PTPRN2: variants seen among roughly 807,000 people sequenced by gnomAD.
PTPRN2 encodes the protein protein tyrosine phosphatase receptor type N2, also known as receptor-type tyrosine-protein phosphatase N2.
A neutral mutation model predicts 118.8 loss-of-function variants in PTPRN2; 74 were observed. That is an observed-to-expected ratio of 0.62 (90% CI 0.52 to 0.76). The LOEUF is 0.76. PTPRN2 is among the 30% of genes least tolerant of loss of function. The probability of loss-of-function intolerance (pLI) is 0.00; values close to 1 mark genes in which losing one functional copy is unlikely to be tolerated. For synonymous variants in PTPRN2, 641 were observed against 608.0 expected (o/e 1.05, Z -0.80); for missense variants, 1,481 against 1,394.4 (o/e 1.06, Z -0.99).
chr7:157,939,999 G>A (rs946244617), intron 11 of PTPRN2, among the ~76,000 whole-genome samples: 4 of 152,204 alleles, frequency 2.6e-5, no homozygotes, highest in Non-Finnish European at 5.9e-5. Flanking sequence ...GTCGCCGCAT[G>A]GGCAGCAGAG....
rs987313452 is a variant in PTPRN2, at chr7:157,656,371, C to T, written c.2182G>A (p.Gly728Ser). ...ACTGGGCTTACCAGGATCATGTGGCCGGTGGAGATGTCCATGTTGGACTGC... is the reference window on the plus strand; with the variant it reads ...ACTGGGCTTACCAGGATCATGTGGCTGGTGGAGATGTCCATGTTGGACTGC... ...PVQSNMDISTGHMILSYMEDH... is the reference protein window; with the variant it reads ...PVQSNMDISTSHMILSYMEDH... Residue 728 changes from glycine to serine, a missense_variant, in exon 14 of 23, where the codon GGC (glycine) becomes AGC (serine). Physicochemically the swap from Gly to Ser is moderately conservative, Grantham distance 56. Transcript: ENST00000389418. 1.2e-5 allele frequency: 18 copies of T among 1,550,198 alleles called. No homozygotes were observed. The highest frequency in any genetic ancestry group is 4.9e-5 in the East Asian group (2 of 40,928).
intron 11 of PTPRN2, among the ~76,000 whole-genome samples, chr7:158,059,631 G>A (rs566859232): frequency 9.2e-6 from 1 of 109,230 alleles, no homozygotes; most frequent in South Asian, 3.6e-4. Flanking sequence ...CATCACTGCA[G>A]CCACACTCCA....
At chr7:157,741,515 C>G in intron 12 of PTPRN2, among the ~76,000 whole-genome samples, 1 of 152,176 alleles carries the variant, frequency 6.6e-6, no homozygotes, top group Non-Finnish European at 1.5e-5. Context: ...CCATCAAAAC[C>G]ACTTCAAGAA....
rs575407007 is a variant in PTPRN2, at chr7:158,229,147, C to T, written c.278-23874G>A. 1.2e-3 allele frequency among the ~76,000 whole-genome samples: 179 copies of T among 152,136 alleles called. 1 individual carries two copies. Among genetic ancestry groups the T allele is most frequent in the African/African-American group, 4.3e-3 (178 of 41,542 alleles). On this transcript the variant is annotated intron_variant, in intron 3 of 22. Transcript: ENST00000389418. ...GTACAGGCAGCACTCAGATCTTTAACCAGAGCCAAGGTAAACCTGGGCTTA... is the reference window on the plus strand; with the variant it reads ...GTACAGGCAGCACTCAGATCTTTAATCAGAGCCAAGGTAAACCTGGGCTTA...
chr7:158,047,400 A>G (rs929709611), intron 11 of PTPRN2, among the ~76,000 whole-genome samples: 1 of 152,250 alleles, frequency 6.6e-6, no homozygotes, highest in Non-Finnish European at 1.5e-5. Context: ...AACCACAACC[A>G]AAGAGGCTGG....
In PTPRN2 at chr7:157,838,405, A is replaced by G. The variant is rs554428884; in HGVS notation, c.1788+60268T>C. 8.4e-3 allele frequency among the ~76,000 whole-genome samples: 920 copies of G among 109,288 alleles called. 5 individuals are homozygous for G. The highest frequency in any genetic ancestry group is 0.016 in the Middle Eastern group (2 of 122). The allele number at this position is 109,288 out of a possible 152,430, so 71.7% of individuals were successfully genotyped here. A position where few individuals can be genotyped will look rare whatever the true frequency, so the allele number is the denominator to read the frequency against. On this transcript the variant is annotated intron_variant, in intron 12 of 22. Coordinates refer to ENST00000389418, the MANE Select transcript of PTPRN2 (RefSeq NM_002847.5). Reference sequence around the variant, plus strand: ...TGCCGTGGCTACTCCAGTTCCTCTCATAGTGGATGGCACGGGAGAAAGCTC... The same window carrying G: ...TGCCGTGGCTACTCCAGTTCCTCTCGTAGTGGATGGCACGGGAGAAAGCTC...
intron 11 of PTPRN2, among the ~76,000 whole-genome samples, chr7:157,904,813 C>A (rs1797677260): frequency 6.6e-6 from 1 of 152,232 alleles, no homozygotes; most frequent in Non-Finnish European, 1.5e-5. Context: ...ATCGCGAACG[C>A]TGCACAAGGG....
chr7:157,700,402 C>G (rs926574174), intron 12 of PTPRN2, among the ~76,000 whole-genome samples: 1 of 152,218 alleles, frequency 6.6e-6, no homozygotes, highest in Non-Finnish European at 1.5e-5. Context: ...GAGTCAGTTA[C>G]TTTTCCTCCA....
At chr7:157,576,502 C>A in intron 19 of PTPRN2, 111 bp downstream of exon 19, 2 of 1,179,090 alleles carry the variant, frequency 1.7e-6, no homozygotes, top group Non-Finnish European at 2.3e-6. Context: ...CCTGCGGCGC[C>A]GACACAGACG....
chr7:157,563,204 G>GCA (rs1799295771), intron 21 of PTPRN2, among the ~76,000 whole-genome samples: 2 of 100,634 alleles, frequency 2.0e-5, no homozygotes, highest in Admixed American at 1.1e-4. Flanking sequence ...GTGCTCCCAT[G>GCA]TCACCACACA....
At chr7:157,761,112 T>C (rs1419283721) in intron 12 of PTPRN2, among the ~76,000 whole-genome samples, 1 of 151,112 alleles carries the variant, frequency 6.6e-6, no homozygotes, top group African/African-American at 2.4e-5. Context: ...TACAAACAAA[T>C]GGAAGAACAT....
intron 2 of PTPRN2, among the ~76,000 whole-genome samples, chr7:158,355,230 T>C (rs1009585178): frequency 3.3e-5 from 5 of 152,186 alleles, no homozygotes; most frequent in African/African-American, 1.2e-4. Flanking sequence ...GAGGGCAGAT[T>C]CTCATTCCAC....
At chr7:158,259,104 T>C (rs1797222894) in intron 3 of PTPRN2, among the ~76,000 whole-genome samples, 1 of 152,200 alleles carries the variant, frequency 6.6e-6, no homozygotes, top group South Asian at 2.1e-4. Flanking sequence ...TGCTGCCTGA[T>C]GCTGCAAACG....
At chr7:158,130,195 C>T (rs190081733) in intron 9 of PTPRN2, among the ~76,000 whole-genome samples, 4 of 152,340 alleles carry the variant, frequency 2.6e-5, no homozygotes, top group Admixed American at 1.3e-4. Context: ...AGCACCAGCC[C>T]GAGCACTGCG....
At position 157,622,883 on chromosome 7, in the gene PTPRN2, G is replaced by A. The variant is rs147590980; in HGVS notation, c.2197-1374C>T. Among the ~76,000 whole-genome samples the A allele has an allele frequency of 1.8e-3, 275 of 152,260 alleles. 10 individuals are homozygous for A. In the South Asian group the frequency reaches 0.048, roughly 26 times the overall value. On this transcript the variant is annotated intron_variant, in intron 14 of 22. Transcript: ENST00000389418. The surrounding 1 kb of genome is among the most constrained non-coding windows in gnomAD (Gnocchi z 5.3). ...GCACCGACTGCCTGCTCCACGCAGC[G>A]AACGCTTTTCCCCCACCACACCTTG...
intron 3 of PTPRN2, among the ~76,000 whole-genome samples, chr7:158,225,039 G>A (rs1828648505): frequency 6.6e-6 from 1 of 151,546 alleles, no homozygotes; most frequent in Non-Finnish European, 1.5e-5. Context: ...CTATCAGAAA[G>A]GCTAAAATAA....
intron 2 of PTPRN2, among the ~76,000 whole-genome samples, chr7:158,420,995 C>A (rs1815201216): frequency 6.6e-6 from 1 of 152,184 alleles, no homozygotes; most frequent in Non-Finnish European, 1.5e-5. Flanking sequence ...TGATCGGACC[C>A]ATAACATCTT....
intron 1 of PTPRN2, among the ~76,000 whole-genome samples, chr7:158,549,904 ATGACG>A (rs1319110210): frequency 6.6e-6 from 1 of 152,222 alleles, no homozygotes; most frequent in African/African-American, 2.4e-5. Flanking sequence ...TTATGTGTGC[ATGACG>A]TGACCTCACT....
At chr7:157,597,798 C>T (rs1801431719) in intron 16 of PTPRN2, among the ~76,000 whole-genome samples, 1 of 152,232 alleles carries the variant, frequency 6.6e-6, no homozygotes, top group Non-Finnish European at 1.5e-5. Context: ...TCACCTCCCT[C>T]CCGCCCACCT....
Sources: allele counts gnomAD v4.1 joint callset (sites outside exome capture counted in the v4.1 genomes callset), GRCh38; gene constraint gnomAD v4.1.1; non-coding constraint Gnocchi (gnomAD v3.1); transcripts MANE v1.5; gene names NCBI Gene and HGNC (gene_info 2026-07-23, HGNC 2026-07-21).